Variants in UGT2B10 observed in about 807,000 individuals in gnomAD.
The protein encoded by UGT2B10 is UDP glucuronosyltransferase family 2 member B10.
Under a neutral mutation model 43.7 loss-of-function variants are expected in UGT2B10, and 51 were observed. That is an observed-to-expected ratio of 1.17 (90% CI 0.93 to 1.47). UGT2B10 has a LOEUF of 1.47. Ranked by LOEUF, UGT2B10 falls within the 40% of genes most tolerant of loss-of-function variation. The pLI is 0.00. For missense variants in UGT2B10, 696 were observed against 617.7 expected (o/e 1.13, Z -1.34); for synonymous variants, 225 against 209.0 (o/e 1.08, Z -0.66).
In UGT2B10 at chr4:68,827,332, A is replaced by T. The variant is rs761524221; in HGVS notation, c.1091A>T (p.His364Leu). The change falls in exon 5 of 6, where the codon CAT (histidine) becomes CTT (leucine). Residue 364 changes from histidine (H) to leucine (L), a missense_variant. His to Leu is a moderately conservative substitution (Grantham distance 99). Coordinates refer to ENST00000265403, the MANE Select transcript of UGT2B10 (RefSeq NM_001075.6). Reference protein sequence around the residue: ...KWIPQNDLLGHPKTRAFITHG... With the variant: ...KWIPQNDLLGLPKTRAFITHG... ...GCTAAAATTCATCCAATCCTAGGTC[A>T]TCCAAAAACCAGAGCTTTTATAACT... 81 of 1,613,074 alleles carry T rather than the reference A, an allele frequency of 5.0e-5. No individual in the cohort carries two copies. The Middle Eastern group carries it at 8.2e-4, about 16-fold the overall frequency.
At chr4:68,826,149 A>T (rs1208789305) in intron 3 of UGT2B10, among the ~76,000 whole-genome samples, 1 of 152,084 alleles carries the variant, frequency 6.6e-6, no homozygotes, top group Non-Finnish European at 1.5e-5. Context: ...TTTAAAAAGT[A>T]TAAAAATTTT....
At chr4:68,823,439 G>T (rs1291858413) in intron 3 of UGT2B10, among the ~76,000 whole-genome samples, 1 of 152,062 alleles carries the variant, frequency 6.6e-6, no homozygotes, top group Non-Finnish European at 1.5e-5. Context: ...CCAAGGAGGC[G>T]GAGGTTGCAA....
chr4:68,822,303 A>T lies in UGT2B10; in HGVS notation c.900A>T (p.Glu300Asp), dbSNP rs781787063. The T allele has an allele frequency of 5.0e-6, 8 of 1,613,188 alleles. No homozygotes were observed. In the Admixed American group the frequency reaches 1.3e-4, roughly 27 times the overall value. Residue 300 changes from glutamate (E) to aspartate (D), a missense_variant, in exon 3 of 6, where the codon GAA becomes GAT. Glu to Asp is a conservative substitution (Grantham distance 45). Coordinates refer to ENST00000265403, the MANE Select transcript of UGT2B10 (RefSeq NM_001075.6). The part of the protein sequence containing the change: ...EMEEFVQSSG[E>D]NGVVVFSLGS... ...AGGAGTTTGTACAGAGCTCTGGAGA[A>T]AATGGTGTTGTGGTGTTTTCTCTGG... is the stretch of plus-strand genomic sequence containing the variant.
At chr4:68,819,836 T>C (rs1737405141) in intron 2 of UGT2B10, among the ~76,000 whole-genome samples, 1 of 152,072 alleles carries the variant, frequency 6.6e-6, no homozygotes, top group Non-Finnish European at 1.5e-5. Flanking sequence ...GAACTTCATA[T>C]ATTTTAATTA....
chr4:68,828,660 C>T (rs568021372), intron 5 of UGT2B10, among the ~76,000 whole-genome samples: 1 of 151,738 alleles, frequency 6.6e-6, no homozygotes, highest in Non-Finnish European at 1.5e-5. Flanking sequence ...TTGAAGAACA[C>T]AATTAACAAA....
chr4:68,816,600 C>G lies in UGT2B10; in HGVS notation c.581C>G (p.Pro194Arg), dbSNP rs373127647. The G allele has an allele frequency of 1.9e-6, 3 of 1,612,784 alleles. No individual in the cohort carries two copies. The highest frequency in any genetic ancestry group is 2.5e-6 in the Non-Finnish European group (3 of 1,179,334). Reference protein sequence around the residue: ...GGFIFPPSYVPVVMSKLSDQM... With the variant: ...GGFIFPPSYVRVVMSKLSDQM... ...TTTATTTTCCCTCCTTCCTACGTAC[C>G]TGTTGTTATGTCAAAATTAAGTGAT... The change falls in exon 1 of 6, where the codon CCT becomes CGT. Residue 194 changes from proline (P) to arginine (R), a missense_variant. By Grantham distance (103) the Pro-to-Arg change is moderately radical. Coordinates refer to ENST00000265403, the MANE Select transcript of UGT2B10 (RefSeq NM_001075.6).
intron 1 of UGT2B10, among the ~76,000 whole-genome samples, chr4:68,817,527 G>A (rs1737276713): frequency 6.6e-6 from 1 of 151,550 alleles, no homozygotes; most frequent in African/African-American, 2.4e-5. Context: ...TGAGTAGTTG[G>A]TACAATGATT....
At chr4:68,827,681 T>G (rs574127407) in intron 5 of UGT2B10, 133 bp downstream of exon 5, 1 of 1,415,010 alleles carries the variant, frequency 7.1e-7, no homozygotes, top group East Asian at 2.4e-5. Flanking sequence ...ATCCGAAATC[T>G]GCTTTTACTT....
Position 68,818,114 on chromosome 4 carries a change from A to G in UGT2B10, c.804A>G (p.Pro268=). The G allele has an allele frequency of 6.2e-7, 1 of 1,611,968 alleles. No individual in the cohort carries two copies. The highest frequency in any genetic ancestry group is 8.5e-7 in the Non-Finnish European group (1 of 1,178,608). ...RNSWNFKFPH[P]FLPNVDFVGG... ...CCTGGAATTTTAAATTTCCTCATCC[A>G]TTCTTACCAAATGTTGATTTTGTTG... Residue 268 remains proline (P), a synonymous_variant, in exon 2 of 6, where the codon CCA becomes CCG. Transcript: ENST00000265403.
At position 68,831,867 on chromosome 4, in the gene UGT2B10, C is replaced by A. The variant is rs901065015; in HGVS notation, c.*988C>A. ...CAATCCAACTGCAAAGTTCACCTTA[C>A]CTGACTAAGGATTATTCATTAAGTT... On this transcript the variant is annotated 3_prime_UTR_variant, in exon 6 of 6. Transcript: ENST00000265403. 6.6e-6 allele frequency among the ~76,000 whole-genome samples: 1 copy of A among 152,052 alleles called. No individual in the cohort carries two copies. The highest frequency in any genetic ancestry group is 1.5e-5 in the Non-Finnish European group (1 of 67,992).
rs200109225 is a variant in UGT2B10, at chr4:68,830,712, C to T, written c.1420C>T (p.His474Tyr). 2.0e-3 allele frequency: 3,153 copies of T among 1,613,440 alleles called. 39 individuals are homozygous for T. In the Middle Eastern group the frequency reaches 0.027, roughly 14 times the overall value. ...TGTCATGCGCCACAAAGGAGCCAAA[C>T]ATCTTCGAGTTGCAGCCCACAACCT... is the stretch of plus-strand genomic sequence containing the variant. ...EFVMRHKGAK[H>Y]LRVAAHNLTW... The change falls in exon 6 of 6, where the codon CAT becomes TAT. Residue 474 changes from histidine to tyrosine, a missense_variant. Physicochemically the swap from His to Tyr is moderately conservative, Grantham distance 83. Coordinates refer to ENST00000265403, the MANE Select transcript of UGT2B10 (RefSeq NM_001075.6).
At chr4:68,817,739 T>C (rs1008504327) in intron 1 of UGT2B10, among the ~76,000 whole-genome samples, 2 of 151,762 alleles carry the variant, frequency 1.3e-5, no homozygotes, top group African/African-American at 2.4e-5. Context: ...TAAATTGATG[T>C]TTAATTCTCT....
chr4:68,817,921 C>G, intron 1 of UGT2B10, 108 bp from the exon 2 acceptor site: 2 of 1,346,546 alleles, frequency 1.5e-6, no homozygotes, highest in Non-Finnish European at 2.0e-6. Context: ...TTTCAAAGCA[C>G]ACAAACTTTA....
chr4:68,817,363 T>C (rs1474259034), intron 1 of UGT2B10, among the ~76,000 whole-genome samples: 4 of 151,846 alleles, frequency 2.6e-5, no homozygotes, highest in Non-Finnish European at 4.4e-5. Flanking sequence ...GTTATATCTA[T>C]ATAGTTTATT....
intron 3 of UGT2B10, among the ~76,000 whole-genome samples, chr4:68,825,985 A>G (rs983452892): frequency 1.3e-5 from 2 of 151,978 alleles, no homozygotes; most frequent in African/African-American, 4.8e-5. Flanking sequence ...TTTCTATACA[A>G]CCTCGCCAAC....
chr4:68,818,839 T>G (rs1368083491), intron 2 of UGT2B10, among the ~76,000 whole-genome samples: 3 of 151,824 alleles, frequency 2.0e-5, no homozygotes, highest in African/African-American at 7.2e-5. Context: ...CCCTAAAAGG[T>G]AAATTAGAGC....
chr4:68,819,937 C>T (rs1737409997), intron 2 of UGT2B10, among the ~76,000 whole-genome samples: 1 of 151,986 alleles, frequency 6.6e-6, no homozygotes, highest in African/African-American at 2.4e-5. Context: ...TTGCATAAAA[C>T]TGAGAATTTG....
At position 68,828,418 on chromosome 4, in the gene UGT2B10, G is replaced by C. The variant is rs755136796; in HGVS notation, c.1307+870G>C. Among the ~76,000 whole-genome samples, 13 of 145,758 alleles carry C rather than the reference G, an allele frequency of 8.9e-5. 1 individual carries two copies. The highest frequency in any genetic ancestry group is 2.1e-4 in the South Asian group (1 of 4,804). On this transcript the variant is annotated intron_variant, in intron 5 of 5. Transcript: ENST00000265403. ...TTGTGTAAGGAGGGTATCATCTAAA[G>C]AAATACTCTAAAAATACTTTATCAC...
chr4:68,820,027 T>A (rs1737414686), intron 2 of UGT2B10, among the ~76,000 whole-genome samples: 1 of 151,944 alleles, frequency 6.6e-6, no homozygotes, highest in Admixed American at 6.6e-5. Flanking sequence ...GAGACAAAAG[T>A]TGAGGTAAGA....
Sources: allele counts gnomAD v4.1 joint callset (sites outside exome capture counted in the v4.1 genomes callset), GRCh38; gene constraint gnomAD v4.1.1; transcripts MANE v1.5; gene names NCBI Gene and HGNC (gene_info 2026-07-23, HGNC 2026-07-21).